Variants in APPBP2 observed in about 807,000 individuals in gnomAD.
APPBP2 encodes amyloid beta precursor protein binding protein 2, also known as amyloid protein-binding protein 2.
A neutral mutation model predicts 76.0 loss-of-function variants in APPBP2; 15 were observed. That is an observed-to-expected ratio of 0.20 (90% CI 0.13 to 0.30). The LOEUF is 0.30. Among genes scored for constraint, APPBP2 ranks in the 10% least tolerant of loss-of-function variants. The probability of loss-of-function intolerance (pLI) is 1.00; values close to 1 mark genes in which losing one functional copy is unlikely to be tolerated. For missense variants in APPBP2, 401 were observed against 687.2 expected (o/e 0.58, Z 4.66); for synonymous variants, 222 against 242.2 (o/e 0.92, Z 0.77).
intron 4 of APPBP2, among the ~76,000 whole-genome samples, chr17:60,471,497 A>G (rs1308561281): frequency 7.6e-6 from 1 of 131,852 alleles, no homozygotes; most frequent in African/African-American, 4.3e-5. Flanking sequence ...TTCTATTCCT[A>G]GCTTTGTGAA....
At chr17:60,498,201 A>C (rs1264791740) in intron 2 of APPBP2, among the ~76,000 whole-genome samples, 1 of 152,172 alleles carries the variant, frequency 6.6e-6, no homozygotes, top group African/African-American at 2.4e-5. Context: ...ATGATACTTA[A>C]AACGGGAAGA....
At chr17:60,452,501 TTTG>T (rs2090402539) in intron 11 of APPBP2, among the ~76,000 whole-genome samples, 1 of 152,240 alleles carries the variant, frequency 6.6e-6, no homozygotes, top group Non-Finnish European at 1.5e-5. Flanking sequence ...CATTTCATTT[TTTG>T]GAATTTTGAC....
At chr17:60,460,886 C>T (rs2090471389) in intron 8 of APPBP2, 99 bp from the exon 9 acceptor site, 2 of 1,227,516 alleles carry the variant, frequency 1.6e-6, no homozygotes, top group Non-Finnish European at 2.1e-6. Context: ...ATGCCTAACA[C>T]CATAAAATTT....
intron 6 of APPBP2, among the ~76,000 whole-genome samples, chr17:60,462,969 A>G (rs1192420180): frequency 6.6e-6 from 1 of 151,668 alleles, no homozygotes; most frequent in Non-Finnish European, 1.5e-5. Flanking sequence ...AAAAAGAAAA[A>G]AAAACCCAGA....
At chr17:60,523,649 C>T (rs2091027951) in intron 1 of APPBP2, among the ~76,000 whole-genome samples, 1 of 152,054 alleles carries the variant, frequency 6.6e-6, no homozygotes, top group African/African-American at 2.4e-5. Flanking sequence ...GGCAAAACAG[C>T]GAGACCCCAT....
intron 3 of APPBP2, among the ~76,000 whole-genome samples, chr17:60,484,812 C>G (rs971269025): frequency 3.9e-5 from 6 of 152,140 alleles, no homozygotes; most frequent in African/African-American, 1.4e-4. Flanking sequence ...TGCCAGTTTT[C>G]AAAGGGAATG....
At chr17:60,483,894 A>T (rs2090651432) in intron 3 of APPBP2, among the ~76,000 whole-genome samples, 1 of 152,070 alleles carries the variant, frequency 6.6e-6, no homozygotes. Flanking sequence ...TCCATCTTGA[A>T]TTAATTTTTG....
chr17:60,474,781 CA>C (rs2090577380), intron 4 of APPBP2, among the ~76,000 whole-genome samples: 1 of 152,096 alleles, frequency 6.6e-6, no homozygotes, highest in Admixed American at 6.6e-5. Flanking sequence ...TACAAATTCT[CA>C]ATTTGTTCTT....
intron 1 of APPBP2, among the ~76,000 whole-genome samples, chr17:60,511,503 T>TG (rs1378247534): frequency 6.0e-5 from 9 of 151,238 alleles, no homozygotes; most frequent in African/African-American, 2.2e-4. Context: ...GAGAAACACT[T>TG]GAACTCGGAA....
At chr17:60,499,633 T>C (rs2090806348) in intron 2 of APPBP2, among the ~76,000 whole-genome samples, 1 of 152,218 alleles carries the variant, frequency 6.6e-6, no homozygotes, top group African/African-American at 2.4e-5. Context: ...AGCAGTATTA[T>C]TCACACTAGC....
At chr17:60,494,653 A>C in intron 2 of APPBP2, 36 bp from the exon 3 acceptor site, 1 of 1,529,318 alleles carries the variant, frequency 6.5e-7, no homozygotes, top group Non-Finnish European at 8.7e-7. Flanking sequence ...TATAGAGTTA[A>C]TTTATTTTTC....
In APPBP2 at chr17:60,523,985, A is replaced by C. The variant is rs1160132963; in HGVS notation, c.138+1809T>G. ...AAAATAACACATAAAAGCACAACATAGTTACAGGCACATGTTTAACACTTC... is the reference window on the plus strand; with the variant it reads ...AAAATAACACATAAAAGCACAACATCGTTACAGGCACATGTTTAACACTTC... On this transcript the variant is annotated intron_variant, in intron 1 of 12. Coordinates refer to ENST00000083182, the MANE Select transcript of APPBP2 (RefSeq NM_006380.5). Among the ~76,000 whole-genome samples the C allele has an allele frequency of 2.0e-5, 3 of 152,220 alleles. No homozygotes were observed. In the East Asian group the frequency reaches 5.8e-4, roughly 29 times the overall value.
At chr17:60,512,352 C>A (rs538727171) in intron 1 of APPBP2, among the ~76,000 whole-genome samples, 6 of 152,068 alleles carry the variant, frequency 3.9e-5, no homozygotes, top group Non-Finnish European at 8.8e-5. Context: ...ATCCGCCCGC[C>A]TCGGCCTCCC....
chr17:60,516,125 T>C (rs186025975), intron 1 of APPBP2, among the ~76,000 whole-genome samples: 8 of 152,012 alleles, frequency 5.3e-5, no homozygotes, highest in Non-Finnish European at 1.2e-4. Context: ...ATCATGCCAC[T>C]GCACTCCTGC....
chr17:60,448,273 G>A (rs2090365914), intron 12 of APPBP2, among the ~76,000 whole-genome samples: 2 of 152,078 alleles, frequency 1.3e-5, no homozygotes, highest in Admixed American at 1.3e-4. Flanking sequence ...TGAAAGCCTG[G>A]CCAACATGGT....
intron 1 of APPBP2, among the ~76,000 whole-genome samples, chr17:60,506,599 A>G (rs1180667731): frequency 6.6e-6 from 1 of 152,206 alleles, no homozygotes; most frequent in African/African-American, 2.4e-5. Context: ...TAAGACATGC[A>G]TGCATTCACT....
In APPBP2 at chr17:60,526,008, G is replaced by A; in HGVS notation, c.-77C>T. ...ACCTCCCTCCGTAGCGAACCCCTCT[G>A]CGGCCCCGGAGGATTCGGAGGGGCG... is the stretch of plus-strand genomic sequence containing the variant. On this transcript the variant is annotated 5_prime_UTR_variant, in exon 1 of 13. Coordinates refer to ENST00000083182, the MANE Select transcript of APPBP2 (RefSeq NM_006380.5). 1 of 1,433,202 alleles carries A rather than the reference G, an allele frequency of 7.0e-7. No individual in the cohort carries two copies. The highest frequency in any genetic ancestry group is 9.4e-7 in the Non-Finnish European group (1 of 1,058,212). 88.8% of individuals were successfully genotyped at this position (1,433,202 alleles called of 1,614,324 possible).
intron 4 of APPBP2, among the ~76,000 whole-genome samples, chr17:60,472,970 A>G (rs1385673060): frequency 6.6e-6 from 1 of 151,948 alleles, no homozygotes; most frequent in Non-Finnish European, 1.5e-5. Flanking sequence ...ATTCTTCCTT[A>G]TTGTTAGTAT....
At chr17:60,518,298 C>T (rs1444342881) in intron 1 of APPBP2, among the ~76,000 whole-genome samples, 2 of 151,866 alleles carry the variant, frequency 1.3e-5, no homozygotes, top group Admixed American at 6.6e-5. Flanking sequence ...CTGCCTGCCT[C>T]GGCCTCTCAA....
Sources: gnomAD v4.1 joint callset for allele counts (sites outside exome capture counted in the v4.1 genomes callset) on GRCh38, gnomAD v4.1.1 for gene constraint, MANE v1.5 for transcripts, NCBI Gene and HGNC (gene_info 2026-07-23, HGNC 2026-07-21) for gene names.